Variants in GPR180 observed in about 807,000 individuals in gnomAD.
The protein encoded by GPR180 is integral membrane protein GPR180.
GPR180 carries 53 observed loss-of-function variants against 52.6 expected under a neutral mutation model. That is an observed-to-expected ratio of 1.01 (90% CI 0.81 to 1.27). The LOEUF (loss-of-function observed/expected upper bound fraction) is 1.27. Among genes scored for constraint, GPR180 ranks in the 50% most tolerant of loss-of-function variants. The pLI is 0.00. For missense variants in GPR180, 533 were observed against 527.0 expected, an observed-to-expected ratio of 1.01 and a Z score of -0.11; for synonymous variants, 200 against 193.1, an observed-to-expected ratio of 1.04 and a Z score of -0.30.
Position 94,626,034 on chromosome 13 carries a change from A to G in GPR180, c.1155A>G (p.Gln385=), listed in dbSNP as rs181046554. The change falls in exon 8 of 9, where the codon CAA becomes CAG. Residue 385 remains glutamine, a synonymous_variant. Transcript: ENST00000376958. The stretch of plus-strand genomic sequence containing the variant: ...TTTCTGTCATTTTTAGCGACTACCA[A>G]AGAGACAAGGTAAGAAATATACATG... ...ACISVIFSDY[Q]RDKVITIGVI... 9.0e-5 allele frequency: 144 copies of G among 1,608,058 alleles called. 1 individual carries two copies. In the East Asian group the frequency reaches 2.1e-3, roughly 24 times the overall value.
At chr13:94,604,589 CA>C (rs1290697030) in intron 1 of GPR180, among the ~76,000 whole-genome samples, 25 of 142,800 alleles carry the variant, frequency 1.8e-4, no homozygotes, top group Non-Finnish European at 1.8e-4. Context: ...CACTCTGTCT[CA>C]AAAAAAAAAG....
intron 6 of GPR180, 133 bp from the exon 7 acceptor site, chr13:94,622,976 T>G: frequency 3.1e-6 from 2 of 638,458 alleles, no homozygotes; most frequent in South Asian, 2.1e-5. Context: ...TGTACTTTAT[T>G]AATTAACAAC....
At chr13:94,603,546 C>A (rs1311510928) in intron 1 of GPR180, among the ~76,000 whole-genome samples, 1 of 152,062 alleles carries the variant, frequency 6.6e-6, no homozygotes, top group Non-Finnish European at 1.5e-5. Flanking sequence ...AATAATAATA[C>A]AAAAACTATA....
At chr13:94,620,049 T>A (rs1298689637) in intron 5 of GPR180, among the ~76,000 whole-genome samples, 1 of 152,212 alleles carries the variant, frequency 6.6e-6, no homozygotes, top group Non-Finnish European at 1.5e-5. Flanking sequence ...TATATTTATA[T>A]ACATTCTCTC....
At position 94,605,593 on chromosome 13, in the gene GPR180, TC is replaced by T. The variant is rs2139563374; in HGVS notation, c.304+46del. 4.5e-6 allele frequency: 7 copies of T among 1,539,342 alleles called. No individual in the cohort carries two copies. In the East Asian group the frequency reaches 6.8e-5, roughly 15 times the overall value. ...CTTTGATCATTAGATATAGTTTTTT[TC>T]CTCCTAATGTTGAAATATAGTACCA... On this transcript the variant is annotated intron_variant, in intron 2 of 8. Coordinates refer to ENST00000376958, the MANE Select transcript of GPR180 (RefSeq NM_180989.6).
intron 7 of GPR180, 152 bp downstream of exon 7, chr13:94,623,452 A>G (rs4238308): frequency 0.56 from 317,158 of 569,500 alleles, 92,336 homozygotes; most frequent in African/African-American, 0.79. Context: ...TTGGAAGGCC[A>G]AGACAGACAG....
chr13:94,603,252 T>C (rs1191207095), intron 1 of GPR180, among the ~76,000 whole-genome samples: 1 of 152,208 alleles, frequency 6.6e-6, no homozygotes, highest in African/African-American at 2.4e-5. Context: ...ACTGTAACCA[T>C]ACTTTGAGTA....
intron 2 of GPR180, among the ~76,000 whole-genome samples, chr13:94,607,666 C>A (rs550277274): frequency 2.6e-5 from 4 of 152,180 alleles, no homozygotes. Context: ...TGTGTTCATT[C>A]ACTGAGCGCT....
intron 1 of GPR180, 149 bp downstream of exon 1, chr13:94,602,221 C>A (rs1291486595): frequency 1.3e-6 from 1 of 753,840 alleles, no homozygotes; most frequent in Non-Finnish European, 1.8e-6. Context: ...GTTGCAGCAG[C>A]TGCCGCGAAT....
rs1220458434 is a variant in GPR180 at position 94,612,525 on chromosome 13, C to G, written c.505+135C>G. ...CTAGAGAAATGGTTAAATTAATCTT[C>G]TTATAGCATTTTGATAGCCATCATA... is the stretch of plus-strand genomic sequence containing the variant. On this transcript the variant is annotated intron_variant, in intron 3 of 8. Transcript: ENST00000376958. 19 of 643,876 alleles carry G rather than the reference C, an allele frequency of 3.0e-5. No individual in the cohort carries two copies. In the East Asian group the frequency reaches 5.0e-4, roughly 17 times the overall value. The allele number at this position is 643,876 out of a possible 1,614,324, so 39.9% of individuals were successfully genotyped here. A position where few individuals can be genotyped will look rare whatever the true frequency, so the allele number is the denominator to read the frequency against.
intron 2 of GPR180, among the ~76,000 whole-genome samples, chr13:94,610,827 A>C (rs897013397): frequency 2.0e-5 from 3 of 152,340 alleles, no homozygotes; most frequent in African/African-American, 7.2e-5. Flanking sequence ...CCAAGTATCT[A>C]ACCAGCTATT....
At chr13:94,620,623 C>T (rs1371170019) in intron 5 of GPR180, among the ~76,000 whole-genome samples, 1 of 152,114 alleles carries the variant, frequency 6.6e-6, no homozygotes, top group Admixed American at 6.5e-5. Context: ...TTAGAAAATA[C>T]TCTTCACATT....
At chr13:94,620,404 T>G (rs756217638) in intron 5 of GPR180, among the ~76,000 whole-genome samples, 1 of 152,228 alleles carries the variant, frequency 6.6e-6, no homozygotes, top group Non-Finnish European at 1.5e-5. Flanking sequence ...GTTGTTTTCT[T>G]GTAGTGTTAA....
Position 94,601,873 on chromosome 13 carries a change from C to A in GPR180, c.-55C>A. ...GCCTCCCCCAGCTGCCGACGTGGGG[C>A]GGGCAGCCGCCGGCGGCTGGGAGCC... On this transcript the variant is annotated 5_prime_UTR_variant, in exon 1 of 9. Transcript: ENST00000376958. 7.5e-7 allele frequency: 1 copy of A among 1,332,714 alleles called. No homozygotes were observed. Among genetic ancestry groups the A allele is most frequent in the Non-Finnish European group, 9.6e-7 (1 of 1,040,570 alleles). The allele number at this position is 1,332,714 out of a possible 1,614,324, so 82.6% of individuals were successfully genotyped here. A position where few individuals can be genotyped will look rare whatever the true frequency, so the allele number is the denominator to read the frequency against.
Position 94,627,770 on chromosome 13 carries a change from C to G in GPR180, c.*599C>G, listed in dbSNP as rs1293506040. The G allele has an allele frequency of 6.6e-6, 1 of 151,972 alleles. No homozygotes were observed. Among genetic ancestry groups the G allele is most frequent in the Non-Finnish European group, 1.5e-5 (1 of 67,972 alleles). 9.4% of individuals were successfully genotyped at this position (151,972 alleles called of 1,614,324 possible). A position where few individuals can be genotyped will look rare whatever the true frequency, so the allele number is the denominator to read the frequency against. On this transcript the variant is annotated 3_prime_UTR_variant, in exon 9 of 9. Coordinates refer to ENST00000376958, the MANE Select transcript of GPR180 (RefSeq NM_180989.6). ...CCAATTTTTTCTGCCATTTTTGGCT[C>G]TAGTTCAGGTTTTAGCTTGATTAGC...
chr13:94,602,836 T>C (rs1173761618), intron 1 of GPR180, among the ~76,000 whole-genome samples: 1 of 152,232 alleles, frequency 6.6e-6, no homozygotes, highest in Non-Finnish European at 1.5e-5. Context: ...TCTCACAATT[T>C]AAGTGTTTTT....
Position 94,627,238 on chromosome 13 carries a change from G to A in GPR180, c.*67G>A, listed in dbSNP as rs545317160. 5.0e-6 allele frequency: 7 copies of A among 1,391,020 alleles called. No individual in the cohort carries two copies. Among genetic ancestry groups the A allele is most frequent in the Non-Finnish European group, 7.0e-6 (7 of 1,006,444 alleles). 86.2% of individuals were successfully genotyped at this position (1,391,020 alleles called of 1,614,324 possible). On this transcript the variant is annotated 3_prime_UTR_variant, in exon 9 of 9. Coordinates refer to ENST00000376958, the MANE Select transcript of GPR180 (RefSeq NM_180989.6). ...AGTGCAATAAGGATCCAAATACAGTGACTTTTTTTTCATACATTTAGTATG... is the reference window on the plus strand; with the variant it reads ...AGTGCAATAAGGATCCAAATACAGTAACTTTTTTTTCATACATTTAGTATG...
chr13:94,606,306 CTT>C (rs1270808511), intron 2 of GPR180, among the ~76,000 whole-genome samples: 1 of 152,160 alleles, frequency 6.6e-6, no homozygotes, highest in Non-Finnish European at 1.5e-5. Context: ...AAAAAAGTCA[CTT>C]TGAGATGTAC....
intron 7 of GPR180, among the ~76,000 whole-genome samples, chr13:94,625,105 C>T (rs557061249): frequency 1.1e-4 from 16 of 152,334 alleles, no homozygotes; most frequent in Non-Finnish European, 2.4e-4. Flanking sequence ...TGAGCCACCG[C>T]GCCTAGCCTC....
Sources: gnomAD v4.1 joint callset for allele counts (sites outside exome capture counted in the v4.1 genomes callset) on GRCh38, gnomAD v4.1.1 for gene constraint, MANE v1.5 for transcripts, NCBI Gene and HGNC (gene_info 2026-07-23, HGNC 2026-07-21) for gene names.